The following DHX58 variants were observed in gnomAD, a reference collection of about 807,000 sequenced individuals.
The protein encoded by DHX58 is DExH-box helicase 58.
In DHX58, 51 loss-of-function variants were observed where a neutral mutation model predicts 65.0. The observed-to-expected ratio is 0.78, with a 90% CI of 0.63 to 0.99. The LOEUF (loss-of-function observed/expected upper bound fraction) is 0.99, where lower values mean the gene tolerates loss of function less well. Ranked by LOEUF, DHX58 falls within the 50% of genes least tolerant of loss-of-function variation. The probability of loss-of-function intolerance (pLI) is 0.00; values close to 1 mark genes in which losing one functional copy is unlikely to be tolerated. For missense variants in DHX58, 773 were observed against 891.8 expected (o/e 0.87, Z 1.70); for synonymous variants, 350 against 365.0 (o/e 0.96, Z 0.47).
chr17:42,108,184 C>CGTGTA, intron 6 of DHX58, 76 bp from the exon 7 acceptor site: 1 of 1,601,306 alleles, frequency 6.2e-7, no homozygotes, highest in Non-Finnish European at 8.5e-7. Context: ...CTGACCCCGG[C>CGTGTA]GTGTAGCACA....
chr17:42,107,070 A>T (rs1461025667), intron 8 of DHX58, among the ~76,000 whole-genome samples: 1 of 152,048 alleles, frequency 6.6e-6, no homozygotes, highest in Non-Finnish European at 1.5e-5. Context: ...TAATCCTTTT[A>T]AAAAATCTGG....
At chr17:42,108,416 A>T (rs1055426933) in intron 6 of DHX58, among the ~76,000 whole-genome samples, 14 of 152,232 alleles carry the variant, frequency 9.2e-5, no homozygotes, top group Admixed American at 2.6e-4. Flanking sequence ...GGGGGCAGGC[A>T]CGTACTCCAC....
chr17:42,112,239 A>C (rs2054168635), intron 1 of DHX58, 34 bp from the exon 2 acceptor site: 2 of 206,620 alleles, frequency 9.7e-6, no homozygotes, highest in Non-Finnish European at 1.9e-5. Context: ...CGACTTAGGA[A>C]TCTCCCATCC....
chr17:42,112,581 G>GGGA (rs1555664697), intron 1 of DHX58, 24 bp downstream of exon 1: 3 of 142,404 alleles, frequency 2.1e-5, no homozygotes, highest in African/African-American at 8.2e-5. Flanking sequence ...GGGTGGGGGG[G>GGGA]GGTGGGAGTA....
chr17:42,109,503 A>G, intron 5 of DHX58, 117 bp from the exon 6 acceptor site: 1 of 803,758 alleles, frequency 1.2e-6, no homozygotes, highest in Non-Finnish European at 2.0e-6. Context: ...CGTCTACTCA[A>G]ATATTGCTCG....
rs2053980722 is a variant in DHX58 at position 42,101,753 on chromosome 17, TGAGGTGGTCAGTCCAGGGA to T, written c.2026_*7del. ...CAGCCCAAACCGGGCACTGCAGCAA[TGAGGTGGTCAGTCCAGGGA>T]GAGGTCCGACAAGTTCTCGGCACAA... On this transcript the variant is annotated stop_lost and 3_prime_UTR_variant, in exon 14 of 14. Coordinates refer to ENST00000251642, the MANE Select transcript of DHX58 (RefSeq NM_024119.3). The T allele has an allele frequency of 6.2e-7, 1 of 1,613,216 alleles. No homozygotes were observed. Among genetic ancestry groups the T allele is most frequent in the Non-Finnish European group, 8.5e-7 (1 of 1,179,542 alleles).
rs1276775175 is a variant in DHX58 at position 42,105,844 on chromosome 17, G to A, written c.1143C>T (p.His381=). 1 of 1,613,952 alleles carries A rather than the reference G, an allele frequency of 6.2e-7. No individual in the cohort carries two copies. Among genetic ancestry groups the A allele is most frequent in the Non-Finnish European group, 8.5e-7 (1 of 1,180,018 alleles). Residue 381 remains histidine (H), a synonymous_variant, in exon 9 of 14, where the codon CAC becomes CAT. Coordinates refer to ENST00000251642, the MANE Select transcript of DHX58 (RefSeq NM_024119.3). The part of the protein sequence containing the change: ...IIFTRTRQSA[H]SLLLWLQQQQ... ...GCTGCTGGAGCCAGAGCAGGAGGGA[G>A]TGTGCGCTTTGGCGGGTGCGGGTGA...
At chr17:42,103,303 G>C (rs2054005668) in intron 12 of DHX58, 1 of 390,282 alleles carries the variant, frequency 2.6e-6, no homozygotes, top group African/African-American at 2.1e-5. Flanking sequence ...AAGCTCTCTT[G>C]ATATCTTCGG....
rs141148972 is a variant in DHX58, at chr17:42,111,264, C to T, written c.370+32G>A. The T allele has an allele frequency of 4.4e-6, 7 of 1,599,340 alleles. No individual in the cohort carries two copies. The South Asian group carries it at 4.4e-5, about 10-fold the overall frequency. On this transcript the variant is annotated intron_variant, in intron 4 of 13. Coordinates refer to ENST00000251642, the MANE Select transcript of DHX58 (RefSeq NM_024119.3). ...TTGGCGAAAGGAGGTACCCCAGATG[C>T]GTATCTTTTTCCTCCCGGCCATGGC...
At chr17:42,107,578 C>T in intron 8 of DHX58, 26 bp downstream of exon 8, 1 of 1,472,812 alleles carries the variant, frequency 6.8e-7, no homozygotes, top group Non-Finnish European at 9.2e-7. Flanking sequence ...TCATCCCCGG[C>T]CCCGAAGCCC....
rs148051010 is a variant in DHX58 at position 42,111,082 on chromosome 17, T to A, written c.371-169A>T. On this transcript the variant is annotated intron_variant, in intron 4 of 13. Coordinates refer to ENST00000251642, the MANE Select transcript of DHX58 (RefSeq NM_024119.3). ...GAAGACTTCTTTCCATTTCACAGATTAGTAAACCGAGGCTCAGCTGGGGAA... is the reference window on the plus strand; with the variant it reads ...GAAGACTTCTTTCCATTTCACAGATAAGTAAACCGAGGCTCAGCTGGGGAA... 1.2e-3 allele frequency among the ~76,000 whole-genome samples: 180 copies of A among 152,264 alleles called. 1 individual carries two copies. The highest frequency in any genetic ancestry group is 3.1e-3 in the South Asian group (15 of 4,822).
Position 42,104,867 on chromosome 17 carries a change from G to A in DHX58, c.1462C>T (p.Arg488Trp), listed in dbSNP as rs201249468. 68 of 1,613,996 alleles carry A rather than the reference G, an allele frequency of 4.2e-5. No homozygotes were observed. The highest frequency in any genetic ancestry group is 6.7e-5 in the Admixed American group (4 of 59,994). ...TTGATCAGCTCCCGCTTCAGCTCCC[G>A]GCTACCTTCAGTTGCTACAAACGCG... ...VYAFVATEGSRELKRELINEA... is the reference protein window; with the variant it reads ...VYAFVATEGSWELKRELINEA... Residue 488 changes from arginine to tryptophan, a missense_variant, in exon 11 of 14, where the codon CGG (arginine) becomes TGG (tryptophan). Arg to Trp is a moderately radical substitution (Grantham distance 101). Transcript: ENST00000251642.
chr17:42,107,696 G>GC lies in DHX58; in HGVS notation c.904dup (p.Ala302GlyfsTer16). On this transcript the variant is annotated frameshift_variant, in exon 8 of 14. Transcript: ENST00000251642. LOFTEE classifies it high-confidence loss of function. ...ATAGAAATCCTGCAGCGCAGCCAAGGCATCCACGGCGCGGACGGTGTCATG... is the reference window on the plus strand; with the variant it reads ...ATAGAAATCCTGCAGCGCAGCCAAGGCCATCCACGGCGCGGACGGTGTCATG... 3 of 1,612,514 alleles carry GC rather than the reference G, an allele frequency of 1.9e-6. No homozygotes were observed. Among genetic ancestry groups the GC allele is most frequent in the Non-Finnish European group, 2.5e-6 (3 of 1,179,364 alleles).
chr17:42,109,218 G>A, intron 6 of DHX58, 52 bp downstream of exon 6: 20 of 1,518,134 alleles, frequency 1.3e-5, no homozygotes, highest in Non-Finnish European at 1.8e-5. Flanking sequence ...AAGCCTAGGT[G>A]TCCTAACTTC....
rs782422558 is a variant in DHX58 at position 42,105,719 on chromosome 17, T to C, written c.1251+17A>G. On this transcript the variant is annotated intron_variant, in intron 9 of 13. Transcript: ENST00000251642. ...GGAATCCCTCCCAGCGCCAGCATCT[T>C]TCCCCGAAGCCCACACCTGGGTCAT... 5.9e-6 allele frequency: 9 copies of C among 1,533,668 alleles called. No homozygotes were observed. Among genetic ancestry groups the C allele is most frequent in the Non-Finnish European group, 7.0e-6 (8 of 1,142,898 alleles).
chr17:42,107,767 C>A lies in DHX58; in HGVS notation c.834G>T (p.Arg278=), dbSNP rs1555663092. 3.8e-6 allele frequency: 6 copies of A among 1,590,762 alleles called. No homozygotes were observed. Among genetic ancestry groups the A allele is most frequent in the Non-Finnish European group, 4.3e-6 (5 of 1,168,204 alleles). The change falls in exon 8 of 14, where the codon CGG becomes CGT. Residue 278 remains arginine (R), a synonymous_variant. Transcript: ENST00000251642. Reference sequence around the variant, plus strand: ...AGCGCCTCAGGTGAAGCGCATACACCCGTTGCTCCTGAAGCCCAGCCAAAG... The same window carrying A: ...AGCGCCTCAGGTGAAGCGCATACACACGTTGCTCCTGAAGCCCAGCCAAAG... ...AAALAGLQEQ[R]VYALHLRRYN...
intron 4 of DHX58, 87 bp from the exon 5 acceptor site, chr17:42,111,000 G>T: frequency 1.4e-6 from 2 of 1,431,894 alleles, no homozygotes; most frequent in Non-Finnish European, 1.9e-6. Flanking sequence ...AATGATGTAA[G>T]AATTCCTTCT....
Position 42,101,467 on chromosome 17 carries a change from A to G in DHX58, c.*294T>C. The G allele has an allele frequency of 3.4e-6, 1 of 293,036 alleles. No homozygotes were observed. Among genetic ancestry groups the G allele is most frequent in the African/African-American group, 2.2e-5 (1 of 46,262 alleles). 18.2% of individuals were successfully genotyped at this position (293,036 alleles called of 1,614,324 possible). A position where few individuals can be genotyped will look rare whatever the true frequency, so the allele number is the denominator to read the frequency against. ...CTCAAAAAATAGAAGTGGCCTTGGT[A>G]GGGAAGGAATGTCGTGATTCTGAGT... On this transcript the variant is annotated 3_prime_UTR_variant, in exon 14 of 14. Coordinates refer to ENST00000251642, the MANE Select transcript of DHX58 (RefSeq NM_024119.3).
rs1555663080 is a variant in DHX58 at position 42,107,742 on chromosome 17, A to G, written c.859T>C (p.Tyr287His). The G allele has an allele frequency of 6.2e-7, 1 of 1,603,684 alleles. No homozygotes were observed. The highest frequency in any genetic ancestry group is 8.5e-7 in the Non-Finnish European group (1 of 1,174,936). ...QRVYALHLRR[Y>H]NDALLIHDTV... ...TCATGGATGAGCAGCGCGTCATTGT[A>G]GCGCCTCAGGTGAAGCGCATACACC... The change falls in exon 8 of 14, where the codon TAC becomes CAC. Residue 287 changes from tyrosine to histidine, a missense_variant. Coordinates refer to ENST00000251642, the MANE Select transcript of DHX58 (RefSeq NM_024119.3).
Sources: gnomAD v4.1 joint callset for allele counts (sites outside exome capture counted in the v4.1 genomes callset) on GRCh38, gnomAD v4.1.1 for gene constraint, MANE v1.5 for transcripts, NCBI Gene and HGNC (gene_info 2026-07-23, HGNC 2026-07-21) for gene names.